DGKD: variants seen among roughly 807,000 people sequenced by gnomAD.
The protein encoded by DGKD is DAG kinase delta.
A neutral mutation model predicts 154.4 loss-of-function variants in DGKD; 68 were observed. That is an observed-to-expected ratio of 0.44 (90% CI 0.36 to 0.54). The LOEUF (loss-of-function observed/expected upper bound fraction) is 0.54, where lower values mean the gene tolerates loss of function less well. Among genes scored for constraint, DGKD ranks in the 20% least tolerant of loss-of-function variants. The probability of loss-of-function intolerance (pLI) is 0.00; values close to 1 mark genes in which losing one functional copy is unlikely to be tolerated. For synonymous variants in DGKD, 693 were observed against 638.0 expected (o/e 1.09, Z -1.30); for missense variants, 1,343 against 1,593.6 (o/e 0.84, Z 2.68).
chr2:233,361,278 A>G (rs768751557), intron 1 of DGKD, among the ~76,000 whole-genome samples: 10 of 152,204 alleles, frequency 6.6e-5, no homozygotes, highest in African/African-American at 1.4e-4. Context: ...CCCTGCTTCA[A>G]ATCACCTCAG....
chr2:233,379,986 G>C (rs534545014), intron 1 of DGKD: 29 of 152,244 alleles, frequency 1.9e-4, no homozygotes, highest in African/African-American at 6.7e-4. Flanking sequence ...ACGTTCCAGG[G>C]GTTCTGATGT....
intron 27 of DGKD, among the ~76,000 whole-genome samples, chr2:233,465,871 A>G (rs1223566671): frequency 1.3e-5 from 2 of 151,570 alleles, no homozygotes; most frequent in African/African-American, 4.9e-5. Context: ...ATAAAAATTT[A>G]TGATACAGAA....
At chr2:233,407,893 A>T (rs1389475910) in intron 3 of DGKD, among the ~76,000 whole-genome samples, 8 of 152,238 alleles carry the variant, frequency 5.3e-5, no homozygotes, top group Admixed American at 4.6e-4. Flanking sequence ...ACATCAGCCC[A>T]GAGGATGGTT....
intron 3 of DGKD, among the ~76,000 whole-genome samples, chr2:233,428,437 G>A (rs539430872): frequency 6.6e-6 from 1 of 152,194 alleles, no homozygotes; most frequent in Non-Finnish European, 1.5e-5. Flanking sequence ...ACATGGGAAA[G>A]GGGTCTCAGC....
At chr2:233,442,750 C>T (rs41270761) in intron 10 of DGKD, among the ~76,000 whole-genome samples, 3 of 152,062 alleles carry the variant, frequency 2.0e-5, no homozygotes, top group Admixed American at 1.3e-4. Context: ...GGATTACAGG[C>T]GCACGCTACC....
At chr2:233,393,702 T>A (rs920700769) in intron 3 of DGKD, among the ~76,000 whole-genome samples, 6 of 143,090 alleles carry the variant, frequency 4.2e-5, no homozygotes, top group African/African-American at 1.6e-4. Context: ...TTTTTTTTTT[T>A]AGATGGAGTC....
At chr2:233,406,805 A>T (rs2061696690) in intron 3 of DGKD, among the ~76,000 whole-genome samples, 1 of 152,180 alleles carries the variant, frequency 6.6e-6, no homozygotes, top group African/African-American at 2.4e-5. Context: ...TTCTGCGGAC[A>T]TCCTCCCGGT....
intron 3 of DGKD, among the ~76,000 whole-genome samples, chr2:233,399,800 C>T (rs1220511666): frequency 6.6e-6 from 1 of 152,044 alleles, no homozygotes; most frequent in Non-Finnish European, 1.5e-5. Context: ...TGCAGAGGGG[C>T]CTTTCCCCCA....
At chr2:233,397,968 C>T (rs1323728313) in intron 3 of DGKD, among the ~76,000 whole-genome samples, 1 of 151,940 alleles carries the variant, frequency 6.6e-6, no homozygotes, top group Non-Finnish European at 1.5e-5. Context: ...CCATGTCTGT[C>T]ACATTCTTTA....
chr2:233,425,248 G>A (rs919072215), intron 3 of DGKD, among the ~76,000 whole-genome samples: 2 of 151,892 alleles, frequency 1.3e-5, no homozygotes, highest in African/African-American at 2.4e-5. Context: ...GTGCAGTGGC[G>A]TAATCTTGGC....
In DGKD at chr2:233,441,413, G is replaced by A. The variant is rs536792560; in HGVS notation, c.1086-474G>A. Among the ~76,000 whole-genome samples, 2 of 152,314 alleles carry A rather than the reference G, an allele frequency of 1.3e-5. No homozygotes were observed. The highest frequency in any genetic ancestry group is 4.8e-5 in the African/African-American group (2 of 41,566). On this transcript the variant is annotated intron_variant, in intron 9 of 29. Transcript: ENST00000264057. The surrounding 1 kb of genome is among the most constrained non-coding windows in gnomAD (Gnocchi z 5.6). ...AGCCAGACTGTGGCCCAGGGCCGGG[G>A]AGTGCCAAGACTGAGGGTGCAGGGT...
At chr2:233,366,671 C>T (rs1418875042) in intron 1 of DGKD, among the ~76,000 whole-genome samples, 1 of 152,100 alleles carries the variant, frequency 6.6e-6, no homozygotes, top group East Asian at 1.9e-4. Context: ...TCACTGAACC[C>T]AGATAGGGCC....
chr2:233,457,249 G>A lies in DGKD; in HGVS notation c.2501G>A (p.Ser834Asn). The part of the protein sequence containing the change: ...ECDGRPIPLP[S>N]LQGIAVLNIP... ...GACGGGCGACCCATCCCACTCCCCAGTCTTCAGGGAATTGCTGTCCTTAAC... is the reference window on the plus strand; with the variant it reads ...GACGGGCGACCCATCCCACTCCCCAATCTTCAGGGAATTGCTGTCCTTAAC... Residue 834 changes from serine (S) to asparagine (N), a missense_variant, in exon 21 of 30, where the codon AGT (serine) becomes AAT (asparagine). Coordinates refer to ENST00000264057, the MANE Select transcript of DGKD (RefSeq NM_152879.3). This position sits in a 1 kb window ranked among gnomAD's most constrained non-coding sequence, Gnocchi z 5.5. The A allele has an allele frequency of 2.6e-6, 4 of 1,522,026 alleles. No individual in the cohort carries two copies. The highest frequency in any genetic ancestry group is 3.5e-6 in the Non-Finnish European group (4 of 1,135,966). 94.3% of individuals were successfully genotyped at this position (1,522,026 alleles called of 1,614,324 possible).
At position 233,441,776 on chromosome 2, in the gene DGKD, G is replaced by C. The variant is rs544760349; in HGVS notation, c.1086-111G>C. Reference sequence around the variant, plus strand: ...AGGGCCTGTGCGTGCTCTGCCTCTGGTGCAGGTCAGCCATGAGGAGCACAG... The same window carrying C: ...AGGGCCTGTGCGTGCTCTGCCTCTGCTGCAGGTCAGCCATGAGGAGCACAG... On this transcript the variant is annotated intron_variant, in intron 9 of 29. Coordinates refer to ENST00000264057, the MANE Select transcript of DGKD (RefSeq NM_152879.3). This position sits in a 1 kb window ranked among gnomAD's most constrained non-coding sequence, Gnocchi z 5.6. 1.0e-6 allele frequency: 1 copy of C among 953,544 alleles called. No homozygotes were observed. Among genetic ancestry groups the C allele is most frequent in the African/African-American group, 1.6e-5 (1 of 61,354 alleles). The allele number at this position is 953,544 out of a possible 1,614,324, so 59.1% of individuals were successfully genotyped here.
rs2063484390 is a variant in DGKD, at chr2:233,457,092, C to G, written c.2472+97C>G. 1.5e-6 allele frequency: 2 copies of G among 1,327,094 alleles called. No homozygotes were observed. The highest frequency in any genetic ancestry group is 2.2e-6 in the Non-Finnish European group (2 of 924,142). 82.2% of individuals were successfully genotyped at this position (1,327,094 alleles called of 1,614,324 possible). A position where few individuals can be genotyped will look rare whatever the true frequency, so the allele number is the denominator to read the frequency against. On this transcript the variant is annotated intron_variant, in intron 20 of 29. Coordinates refer to ENST00000264057, the MANE Select transcript of DGKD (RefSeq NM_152879.3). The surrounding 1 kb of genome is among the most constrained non-coding windows in gnomAD (Gnocchi z 5.5). ...TCCTGTTGACCATTTCCTCCATGCACAGGGACTTGCCTGGGGATGCCCTGG... is the reference window on the plus strand; with the variant it reads ...TCCTGTTGACCATTTCCTCCATGCAGAGGGACTTGCCTGGGGATGCCCTGG...
chr2:233,407,837 T>C (rs1049806769), intron 3 of DGKD, among the ~76,000 whole-genome samples: 22 of 152,194 alleles, frequency 1.4e-4, no homozygotes, highest in African/African-American at 5.3e-4. Context: ...CTAGTAGGCC[T>C]ACCTAGCGTG....
At chr2:233,374,489 C>G (rs1413501589) in intron 1 of DGKD, among the ~76,000 whole-genome samples, 2 of 152,144 alleles carry the variant, frequency 1.3e-5, no homozygotes, top group African/African-American at 4.8e-5. Context: ...TATGGGCCAC[C>G]ATGCCCAGCT....
rs747269451 is a variant in DGKD, at chr2:233,464,295, A to G, written c.3306+12A>G. On this transcript the variant is annotated intron_variant, in intron 27 of 29. Coordinates refer to ENST00000264057, the MANE Select transcript of DGKD (RefSeq NM_152879.3). The stretch of plus-strand genomic sequence containing the variant: ...CCGGCGACGAAGAGGTATGTGGCTC[A>G]TAGGGCTGTGCCTGGGTCTCCCGGA... 5.6e-6 allele frequency: 9 copies of G among 1,612,444 alleles called. No individual in the cohort carries two copies. The highest frequency in any genetic ancestry group is 5.5e-5 in the South Asian group (5 of 91,046).
rs201388573 is a variant in DGKD at position 233,439,728 on chromosome 2, AT to A, written c.1085+1361del. ...AGGTGTGTACCACTATGCCCAGCTA[AT>A]TTTTTTTTTTTATGTTTTGTTGAGC... On this transcript the variant is annotated intron_variant, in intron 9 of 29. Coordinates refer to ENST00000264057, the MANE Select transcript of DGKD (RefSeq NM_152879.3). 2.8e-3 allele frequency among the ~76,000 whole-genome samples: 415 copies of A among 146,604 alleles called. 12 individuals carry two copies. The East Asian group carries it at 0.067, about 24-fold the overall frequency.
Sources: allele counts gnomAD v4.1 joint callset (sites outside exome capture counted in the v4.1 genomes callset), GRCh38; gene constraint gnomAD v4.1.1; non-coding constraint Gnocchi (gnomAD v3.1); transcripts MANE v1.5; gene names NCBI Gene and HGNC (gene_info 2026-07-23, HGNC 2026-07-21).